Variants in PGR observed in about 807,000 individuals in gnomAD.
PGR encodes progesterone receptor.
A neutral mutation model predicts 76.1 loss-of-function variants in PGR; 25 were observed. The observed-to-expected ratio is 0.33, with a 90% CI of 0.24 to 0.46. The LOEUF is 0.46. Among genes scored for constraint, PGR ranks in the 20% least tolerant of loss-of-function variants. The pLI, the probability that PGR is intolerant of heterozygous loss-of-function variation, is 1.00. For missense variants in PGR, 1,172 were observed against 1,225.3 expected, an observed-to-expected ratio of 0.96 and a Z score of 0.65; for synonymous variants, 579 against 535.0, an observed-to-expected ratio of 1.08 and a Z score of -1.14.
In PGR at chr11:101,031,820, T is replaced by C. The variant is rs917953258; in HGVS notation, c.*7296A>G. ...ATTCATACCATCAAATACCTATGAG[T>C]TAGGTGAATTCCTCTCGAGGTTCCA... is the stretch of plus-strand genomic sequence containing the variant. On this transcript the variant is annotated 3_prime_UTR_variant, in exon 8 of 8. Transcript: ENST00000325455. 4 of 228,472 alleles carry C rather than the reference T, an allele frequency of 1.8e-5. No individual in the cohort carries two copies. Among genetic ancestry groups the C allele is most frequent in the Non-Finnish European group, 2.6e-5 (3 of 115,212 alleles). The allele number at this position is 228,472 out of a possible 1,614,324, so 14.2% of individuals were successfully genotyped here.
chr11:101,092,289 G>A (rs1296332581), intron 2 of PGR, among the ~76,000 whole-genome samples: 1 of 152,054 alleles, frequency 6.6e-6, no homozygotes, highest in African/African-American at 2.4e-5. Flanking sequence ...AACAGATACA[G>A]ACTAAAGAAT....
At chr11:101,045,528 C>T (rs1859841906) in intron 6 of PGR, among the ~76,000 whole-genome samples, 2 of 152,122 alleles carry the variant, frequency 1.3e-5, no homozygotes, top group African/African-American at 2.4e-5. Flanking sequence ...TTATTTAGCT[C>T]CCACTTATAA....
chr11:101,128,387 C>G lies in PGR; in HGVS notation c.684G>C (p.Glu228Asp). The change falls in exon 1 of 8, where the codon GAG becomes GAC. Residue 228 changes from glutamate (E) to aspartate (D), a missense_variant. Coordinates refer to ENST00000325455, the MANE Select transcript of PGR (RefSeq NM_000926.4). ...GAAGCGGACCCGCAGACTCCTCGGA[C>G]TCAGAGCCATCCTCCTCCTCAACCT... Reference protein sequence around the residue: ...AVEVEEEDGSESEESAGPLLK... With the variant: ...AVEVEEEDGSDSEESAGPLLK... 6.2e-7 allele frequency: 1 copy of G among 1,609,474 alleles called. No individual in the cohort carries two copies. The highest frequency in any genetic ancestry group is 8.5e-7 in the Non-Finnish European group (1 of 1,179,798).
At chr11:101,106,054 A>G (rs947572963) in intron 2 of PGR, among the ~76,000 whole-genome samples, 2 of 152,132 alleles carry the variant, frequency 1.3e-5, no homozygotes, top group African/African-American at 4.8e-5. Flanking sequence ...ACCCCTTCCT[A>G]ACACCTTATA....
At chr11:101,123,541 ACT>A (rs925878575) in intron 2 of PGR, among the ~76,000 whole-genome samples, 1 of 152,092 alleles carries the variant, frequency 6.6e-6, no homozygotes, top group African/African-American at 2.4e-5. Context: ...TCAAACTTTA[ACT>A]CTCTCAATTT....
chr11:101,077,929 G>A (rs1861178271), intron 3 of PGR, among the ~76,000 whole-genome samples: 1 of 152,138 alleles, frequency 6.6e-6, no homozygotes. Flanking sequence ...ACCCACAGTA[G>A]ATCTTGCCTT....
At chr11:101,059,842 C>CAAAAAAAAAAAAAAAAA (rs781123527) in intron 4 of PGR, among the ~76,000 whole-genome samples, 6 of 62,796 alleles carry the variant, frequency 9.6e-5, no homozygotes, top group South Asian at 6.4e-4. Context: ...GACCCTCTCT[C>CAAAAAAAAAAAAAAAAA]AAAAAAAAAA....
chr11:101,111,435 T>C (rs1298242128), intron 2 of PGR, among the ~76,000 whole-genome samples: 2 of 152,200 alleles, frequency 1.3e-5, no homozygotes, highest in African/African-American at 4.8e-5. Context: ...GGCATGACCT[T>C]CTGCCTCTAT....
chr11:101,049,823 T>C, intron 6 of PGR, 106 bp downstream of exon 6: 1 of 854,486 alleles, frequency 1.2e-6, no homozygotes, highest in Non-Finnish European at 1.9e-6. Flanking sequence ...ATACTTATAA[T>C]CCAAGACGTC....
intron 2 of PGR, among the ~76,000 whole-genome samples, chr11:101,114,772 C>T (rs139876952): frequency 1.3e-5 from 2 of 152,262 alleles, no homozygotes; most frequent in Non-Finnish European, 2.9e-5. Context: ...CTCCACAACC[C>T]TGGCTCAGGT....
At chr11:101,061,865 T>A (rs545131792) in intron 4 of PGR, among the ~76,000 whole-genome samples, 1 of 152,302 alleles carries the variant, frequency 6.6e-6, no homozygotes, top group South Asian at 2.1e-4. Context: ...GATGATATAA[T>A]CCAAGTTCTC....
intron 2 of PGR, among the ~76,000 whole-genome samples, chr11:101,093,348 C>T (rs1332715092): frequency 1.3e-5 from 2 of 151,402 alleles, no homozygotes; most frequent in Non-Finnish European, 2.9e-5. Flanking sequence ...TATATTTAGG[C>T]TATAGGAGTG....
chr11:101,072,315 C>A (rs1309436450), intron 3 of PGR, among the ~76,000 whole-genome samples: 1 of 152,184 alleles, frequency 6.6e-6, no homozygotes, highest in Non-Finnish European at 1.5e-5. Context: ...CTTACAAGAG[C>A]TCCTGAAGGA....
intron 4 of PGR, among the ~76,000 whole-genome samples, chr11:101,057,596 C>A (rs1860340511): frequency 6.6e-6 from 1 of 152,120 alleles, no homozygotes; most frequent in Non-Finnish European, 1.5e-5. Context: ...AGTCAGGAGG[C>A]TGCAACATGA....
At chr11:101,055,886 T>C (rs971742232) in intron 4 of PGR, among the ~76,000 whole-genome samples, 1 of 152,174 alleles carries the variant, frequency 6.6e-6, no homozygotes. Flanking sequence ...AACTTTAAAT[T>C]TATAAAATTA....
At chr11:101,113,084 T>C (rs1862391408) in intron 2 of PGR, among the ~76,000 whole-genome samples, 1 of 151,762 alleles carries the variant, frequency 6.6e-6, no homozygotes. Context: ...CTATAAAATT[T>C]TGATCTCTTA....
In PGR at chr11:101,038,750, TTGTGTTATTACA is replaced by T. The variant is rs1186305035; in HGVS notation, c.*354_*365del. On this transcript the variant is annotated 3_prime_UTR_variant, in exon 8 of 8. Transcript: ENST00000325455. ...TACCTAGAAATAACATATAATAGCT[TTGTGTTATTACA>T]TGTAAGATTTTTTCTCTTAAGTCGA... 4.1e-6 allele frequency: 1 copy of T among 246,632 alleles called. No individual in the cohort carries two copies. Among genetic ancestry groups the T allele is most frequent in the Non-Finnish European group, 7.9e-6 (1 of 126,410 alleles). 15.3% of individuals were successfully genotyped at this position (246,632 alleles called of 1,614,324 possible).
At chr11:101,051,870 A>G (rs1288819228) in intron 4 of PGR, among the ~76,000 whole-genome samples, 2 of 152,140 alleles carry the variant, frequency 1.3e-5, no homozygotes, top group Non-Finnish European at 2.9e-5. Flanking sequence ...TTTGGGTGCC[A>G]GGCACTGTAT....
chr11:101,077,034 CT>C (rs1861152940), intron 3 of PGR, among the ~76,000 whole-genome samples: 1 of 139,268 alleles, frequency 7.2e-6, no homozygotes, highest in Admixed American at 7.7e-5. Context: ...TTTATTTTCT[CT>C]TTCCTATTTA....
Sources: allele counts gnomAD v4.1 joint callset (sites outside exome capture counted in the v4.1 genomes callset), GRCh38; gene constraint gnomAD v4.1.1; transcripts MANE v1.5; gene names NCBI Gene and HGNC (gene_info 2026-07-23, HGNC 2026-07-21).